The following B3GALT5 variants were observed in gnomAD, a reference collection of about 807,000 sequenced individuals.
The protein encoded by B3GALT5 is beta-1,3-galactosyltransferase 5, also known as UDP-Gal:betaGlcNAc beta 1,3-galactosyltransferase, polypeptide 5.
For missense variants in B3GALT5, 328 were observed against 396.6 expected (o/e 0.83, Z 1.47); for synonymous variants, 156 against 158.6 (o/e 0.98, Z 0.12).
Position 39,669,328 on chromosome 21 carries a change from A to C in B3GALT5, c.*7836A>C, listed in dbSNP as rs2079607115. 6.6e-6 allele frequency: 1 copy of C among 152,074 alleles called. No homozygotes were observed. Among genetic ancestry groups the C allele is most frequent in the African/African-American group, 2.4e-5 (1 of 41,386 alleles). The allele number at this position is 152,074 out of a possible 1,614,324, so 9.4% of individuals were successfully genotyped here. A position where few individuals can be genotyped will look rare whatever the true frequency, so the allele number is the denominator to read the frequency against. On this transcript the variant is annotated 3_prime_UTR_variant, in exon 4 of 4. Transcript: ENST00000684187. ...GGAAAGCCAAAGCTCAGAAAAATGGAGTGACTTTGCCAGGTCCTTCAGCGA... is the reference window on the plus strand; with the variant it reads ...GGAAAGCCAAAGCTCAGAAAAATGGCGTGACTTTGCCAGGTCCTTCAGCGA...
Position 39,661,825 on chromosome 21 carries a change from G to T in B3GALT5, c.*333G>T, listed in dbSNP as rs956360771. ...GCAGCTGCGAGAGGTACAGAAACTT[G>T]TCCCAAGGCTCACAGCCAGTAGGCA... On this transcript the variant is annotated 3_prime_UTR_variant, in exon 4 of 4. Coordinates refer to ENST00000684187, the MANE Select transcript of B3GALT5 (RefSeq NM_001356336.2). This position sits in a 1 kb window ranked among gnomAD's most constrained non-coding sequence, Gnocchi z 4.7. 6 of 207,598 alleles carry T rather than the reference G, an allele frequency of 2.9e-5. No homozygotes were observed. Among genetic ancestry groups the T allele is most frequent in the Admixed American group, 2.3e-4 (4 of 17,458 alleles). The allele number at this position is 207,598 out of a possible 1,614,324, so 12.9% of individuals were successfully genotyped here.
chr21:39,639,404 CTTTCTT>C lies in B3GALT5; in HGVS notation c.-391-6986_-391-6981del, dbSNP rs1195451945. Reference sequence around the variant, plus strand: ...CTTCCTTCCTTCCTTCTTTCTTTTTCTTTCTTTCTTTCTTTCTTTCTTTCTTTCTTT... The same window carrying C: ...CTTCCTTCCTTCCTTCTTTCTTTTTCTCTTTCTTTCTTTCTTTCTTTCTTT... On this transcript the variant is annotated intron_variant, in intron 1 of 3. Transcript: ENST00000684187. 9.7e-3 allele frequency among the ~76,000 whole-genome samples: 658 copies of C among 67,724 alleles called. 17 individuals carry two copies. Among genetic ancestry groups the C allele is most frequent in the African/African-American group, 0.019 (314 of 16,542 alleles). 44.4% of individuals were successfully genotyped at this position (67,724 alleles called of 152,430 possible).
chr21:39,621,528 T>G (rs1463587971), intron 1 of B3GALT5, among the ~76,000 whole-genome samples: 1 of 152,058 alleles, frequency 6.6e-6, no homozygotes. Context: ...CTCTAAATCT[T>G]TCTGGGTTGT....
At chr21:39,657,460 CA>C (rs1177813069) in intron 2 of B3GALT5, 2 of 156,944 alleles carry the variant, frequency 1.3e-5, no homozygotes, top group Admixed American at 1.3e-4. Flanking sequence ...GGATTTATAC[CA>C]AGCAGGTTTC....
chr21:39,621,036 A>G (rs767577544), intron 1 of B3GALT5, among the ~76,000 whole-genome samples: 16 of 152,202 alleles, frequency 1.1e-4, no homozygotes, highest in Non-Finnish European at 1.9e-4. Context: ...AGACCAAAGC[A>G]GGAGGATTGC....
chr21:39,620,722 C>T (rs1048538987), intron 1 of B3GALT5, among the ~76,000 whole-genome samples: 2 of 152,044 alleles, frequency 1.3e-5, no homozygotes, highest in East Asian at 1.9e-4. Flanking sequence ...GATAATAAAC[C>T]GACCTTTGTA....
intron 1 of B3GALT5, among the ~76,000 whole-genome samples, chr21:39,615,224 G>A (rs2079101299): frequency 6.6e-6 from 1 of 152,168 alleles, no homozygotes; most frequent in African/African-American, 2.4e-5. Flanking sequence ...TGAGGATAGG[G>A]TTCCATCAAG....
In B3GALT5 at chr21:39,662,898, C is replaced by T. The variant is rs2079542946; in HGVS notation, c.*1406C>T. Reference sequence around the variant, plus strand: ...GTTGGACTAAACTCTTACTTGAACTCAGGAAAAGTTACTTGCTGCAAAATG... The same window carrying T: ...GTTGGACTAAACTCTTACTTGAACTTAGGAAAAGTTACTTGCTGCAAAATG... On this transcript the variant is annotated 3_prime_UTR_variant, in exon 4 of 4. Coordinates refer to ENST00000684187, the MANE Select transcript of B3GALT5 (RefSeq NM_001356336.2). 1 of 166,192 alleles carries T rather than the reference C, an allele frequency of 6.0e-6. No individual in the cohort carries two copies. Among genetic ancestry groups the T allele is most frequent in the Non-Finnish European group, 1.5e-5 (1 of 68,118 alleles). The allele number at this position is 166,192 out of a possible 1,614,324, so 10.3% of individuals were successfully genotyped here.
At chr21:39,639,391 C>CTTCT (rs2070820106) in intron 1 of B3GALT5, among the ~76,000 whole-genome samples, 1 of 81,724 alleles carries the variant, frequency 1.2e-5, no homozygotes, top group African/African-American at 4.6e-5. Flanking sequence ...TCCTTCCTTC[C>CTTCT]TTCTTTCTTT....
At chr21:39,636,936 A>G in intron 1 of B3GALT5, among the ~76,000 whole-genome samples, 1 of 152,090 alleles carries the variant, frequency 6.6e-6, no homozygotes, top group Non-Finnish European at 1.5e-5. Flanking sequence ...CCATGTTTTT[A>G]CACTGAGCCA....
chr21:39,647,122 C>A (rs1376631519), intron 2 of B3GALT5, among the ~76,000 whole-genome samples: 7 of 152,104 alleles, frequency 4.6e-5, no homozygotes, highest in East Asian at 3.9e-4. Context: ...ACAAAAAAAA[C>A]CAAAAACTCC....
intron 1 of B3GALT5, among the ~76,000 whole-genome samples, chr21:39,627,718 A>G (rs1410195682): frequency 1.3e-5 from 2 of 152,040 alleles, no homozygotes; most frequent in African/African-American, 4.8e-5. Context: ...TTACTTATGT[A>G]TGTTTGTTTA....
intron 2 of B3GALT5, among the ~76,000 whole-genome samples, chr21:39,648,746 A>G (rs1445331239): frequency 6.6e-6 from 1 of 152,170 alleles, no homozygotes; most frequent in African/African-American, 2.4e-5. Context: ...CCTCACCCCC[A>G]AAGGGATGGT....
intron 2 of B3GALT5, among the ~76,000 whole-genome samples, chr21:39,651,164 AT>A (rs1296748824): frequency 3.3e-5 from 5 of 152,248 alleles, no homozygotes; most frequent in Middle Eastern, 3.4e-3. Flanking sequence ...TGACATCCTT[AT>A]TTTCAGGAAC....
rs567803361 is a variant in B3GALT5 at position 39,656,772 on chromosome 21, G to A, written c.-160-2981G>A. On this transcript the variant is annotated intron_variant, in intron 2 of 3. Transcript: ENST00000684187. Reference sequence around the variant, plus strand: ...TGGGGAGAGTCCCAGGACGCTGCACGTGCCTGTGCGGGTAGGATGCTGATG... The same window carrying A: ...TGGGGAGAGTCCCAGGACGCTGCACATGCCTGTGCGGGTAGGATGCTGATG... 5.0e-3 allele frequency among the ~76,000 whole-genome samples: 759 copies of A among 152,306 alleles called. 8 individuals are homozygous for A. The highest frequency in any genetic ancestry group is 0.017 in the African/African-American group (714 of 41,554).
intron 1 of B3GALT5, among the ~76,000 whole-genome samples, chr21:39,637,949 T>C (rs1329509288): frequency 2.6e-5 from 4 of 152,168 alleles, no homozygotes; most frequent in Non-Finnish European, 5.9e-5. Flanking sequence ...AAGCTTTCTG[T>C]GGCTGGATGT....
rs766690190 is a variant in B3GALT5 at position 39,665,370 on chromosome 21, G to T, written c.*3878G>T. ...CTCAGCTTCCATTATTGCATCCTTT[G>T]GTCTCTTCCCAGCAGCATCCAGAGT... On this transcript the variant is annotated 3_prime_UTR_variant, in exon 4 of 4. Transcript: ENST00000684187. 3.3e-5 allele frequency: 5 copies of T among 152,220 alleles called. No individual in the cohort carries two copies. Among genetic ancestry groups the T allele is most frequent in the Non-Finnish European group, 5.9e-5 (4 of 68,118 alleles). The allele number at this position is 152,220 out of a possible 1,614,324, so 9.4% of individuals were successfully genotyped here.
chr21:39,671,734 C>G lies in B3GALT5; in HGVS notation c.*10242C>G, dbSNP rs2079630106. On this transcript the variant is annotated 3_prime_UTR_variant, in exon 4 of 4. Coordinates refer to ENST00000684187, the MANE Select transcript of B3GALT5 (RefSeq NM_001356336.2). Reference sequence around the variant, plus strand: ...CTGGGATATGAAAGGTGCTTACATTCTCTGTTGGGAATGTAGAGAGAAGGA... The same window carrying G: ...CTGGGATATGAAAGGTGCTTACATTGTCTGTTGGGAATGTAGAGAGAAGGA... The G allele has an allele frequency of 6.6e-6, 1 of 152,144 alleles. No individual in the cohort carries two copies. The highest frequency in any genetic ancestry group is 1.5e-5 in the Non-Finnish European group (1 of 68,024). 9.4% of individuals were successfully genotyped at this position (152,144 alleles called of 1,614,324 possible). A position where few individuals can be genotyped will look rare whatever the true frequency, so the allele number is the denominator to read the frequency against.
At position 39,644,475 on chromosome 21, in the gene B3GALT5, G is replaced by T. The variant is rs141919465; in HGVS notation, c.-391-1917G>T. ...AGCTGCCAGCTTCACTCTTCCCTTTGGCTTAGTGAGTCTGGGGTCCCAAGA... is the reference window on the plus strand; with the variant it reads ...AGCTGCCAGCTTCACTCTTCCCTTTTGCTTAGTGAGTCTGGGGTCCCAAGA... On this transcript the variant is annotated intron_variant, in intron 1 of 3. Transcript: ENST00000684187. 5.0e-3 allele frequency among the ~76,000 whole-genome samples: 761 copies of T among 152,240 alleles called. 8 individuals are homozygous for T. The highest frequency in any genetic ancestry group is 0.018 in the African/African-American group (740 of 41,548).
Sources: allele counts gnomAD v4.1 joint callset (sites outside exome capture counted in the v4.1 genomes callset), GRCh38; gene constraint gnomAD v4.1.1; non-coding constraint Gnocchi (gnomAD v3.1); transcripts MANE v1.5; gene names NCBI Gene and HGNC (gene_info 2026-07-23, HGNC 2026-07-21).